The following EFCC1 variants were observed in gnomAD, a reference collection of about 807,000 sequenced individuals.
The protein encoded by EFCC1 is EF-hand and coiled-coil domain-containing protein 1.
In EFCC1, 50 loss-of-function variants were observed where a neutral mutation model predicts 52.1. That is an observed-to-expected ratio of 0.96 (90% CI 0.76 to 1.21). EFCC1 has a LOEUF of 1.21. Among genes scored for constraint, EFCC1 ranks in the 50% most tolerant of loss-of-function variants. EFCC1 has a pLI of 0.00. For synonymous variants in EFCC1, 399 were observed against 396.5 expected (o/e 1.01, Z -0.08); for missense variants, 837 against 867.3 (o/e 0.97, Z 0.44).
chr3:129,019,569 G>GA (rs1018611955), intron 2 of EFCC1, among the ~76,000 whole-genome samples: 1 of 152,044 alleles, frequency 6.6e-6, no homozygotes, highest in Non-Finnish European at 1.5e-5. Context: ...ACAGTTCTGG[G>GA]AAAAATGACT....
chr3:129,018,380 T>G (rs1945681698), intron 2 of EFCC1, among the ~76,000 whole-genome samples: 1 of 152,152 alleles, frequency 6.6e-6, no homozygotes, highest in Non-Finnish European at 1.5e-5. Context: ...AGGAAAAAAC[T>G]AAAAAAGGGA....
rs922622616 is a variant in EFCC1 at position 129,014,267 on chromosome 3, G to A, written c.980+10190G>A. ...ACCACCAGTAACTAAGCGGGTGGAC[G>A]AGGGGAGGGTCAGGGAGTGTGAGTC... On this transcript the variant is annotated intron_variant, in intron 2 of 7. Transcript: ENST00000683648. The surrounding 1 kb of genome is among the most constrained non-coding windows in gnomAD (Gnocchi z 4.3). Among the ~76,000 whole-genome samples the A allele has an allele frequency of 6.6e-6, 1 of 152,244 alleles. No homozygotes were observed. Among genetic ancestry groups the A allele is most frequent in the Non-Finnish European group, 1.5e-5 (1 of 68,054 alleles).
chr3:129,002,483 CCT>C, intron 1 of EFCC1, 159 bp downstream of exon 1: 10 of 1,328,464 alleles, frequency 7.5e-6, no homozygotes, highest in Non-Finnish European at 9.7e-6. Flanking sequence ...GCATCTTGCC[CCT>C]GTTCCTCCCC....
chr3:129,024,507 G>A (rs1033974069), intron 2 of EFCC1, among the ~76,000 whole-genome samples: 5 of 151,484 alleles, frequency 3.3e-5, no homozygotes, highest in Admixed American at 1.3e-4. Flanking sequence ...CTCCAGCCTG[G>A]GTGACAGAGC....
At chr3:129,038,242 T>C (rs1946381744) in intron 6 of EFCC1, among the ~76,000 whole-genome samples, 1 of 152,156 alleles carries the variant, frequency 6.6e-6, no homozygotes, top group African/African-American at 2.4e-5. Flanking sequence ...GCCCTGTGCA[T>C]TGGGCTGCCT....
At chr3:129,011,997 TC>T (rs998125082) in intron 2 of EFCC1, among the ~76,000 whole-genome samples, 5 of 152,198 alleles carry the variant, frequency 3.3e-5, no homozygotes, top group Admixed American at 3.3e-4. Context: ...AGTCTGTAGC[TC>T]TTTCTGCTAC....
At chr3:129,004,368 AC>A (rs1428229958) in intron 2 of EFCC1, among the ~76,000 whole-genome samples, 60 of 44,596 alleles carry the variant, frequency 1.3e-3, no homozygotes, top group East Asian at 2.3e-3. Flanking sequence ...CCATTCACTC[AC>A]CCCCCCCACC....
At chr3:129,007,693 G>A (rs1390502957) in intron 2 of EFCC1, among the ~76,000 whole-genome samples, 1 of 152,194 alleles carries the variant, frequency 6.6e-6, no homozygotes, top group Non-Finnish European at 1.5e-5. Context: ...CCCAAACTCA[G>A]CTGAATTTAG....
At chr3:129,002,391 C>A in intron 1 of EFCC1, 67 bp downstream of exon 1, 1 of 1,470,322 alleles carries the variant, frequency 6.8e-7, no homozygotes, top group South Asian at 1.3e-5. Flanking sequence ...AGCTGGCTGG[C>A]TGCGGAGCCC....
In EFCC1 at chr3:129,034,315, A is replaced by AGT. The variant is rs773007061; in HGVS notation, c.1438_1439insGT (p.Thr480SerfsTer19). The AGT allele has an allele frequency of 1.9e-6, 3 of 1,613,784 alleles. No individual in the cohort carries two copies. The highest frequency in any genetic ancestry group is 2.5e-6 in the Non-Finnish European group (3 of 1,179,902). ...GGGCTGCGGTGGGAGGACCCTGGGG[A>AGT]CCTCTGAGGAGGAGGTCAGCAGAGC... is the stretch of plus-strand genomic sequence containing the variant. On this transcript the variant is annotated frameshift_variant, in exon 5 of 8. Coordinates refer to ENST00000683648, the MANE Select transcript of EFCC1 (RefSeq NM_001377500.1). LOFTEE classifies it high-confidence loss of function.
intron 2 of EFCC1, among the ~76,000 whole-genome samples, chr3:129,006,107 G>A (rs578227133): frequency 1.3e-5 from 2 of 152,330 alleles, no homozygotes; most frequent in South Asian, 4.1e-4. Flanking sequence ...GAGAAATGAG[G>A]CACTGAGAAG....
chr3:129,001,809 G>A lies in EFCC1; in HGVS notation c.181G>A (p.Glu61Lys), dbSNP rs1944773502. ...CACCGGCCTGGACCAGTACCTGCAG[G>A]AGGTCTTCCACCACCTGGACTGCCG... is the stretch of plus-strand genomic sequence containing the variant. ...LATGLDQYLQ[E>K]VFHHLDCRGA... is the part of the protein sequence containing the mutation. The change falls in exon 1 of 8, where the codon GAG becomes AAG. Residue 61 changes from glutamate to lysine, a missense_variant. By Grantham distance (56) the Glu-to-Lys change is moderately conservative. Transcript: ENST00000683648. 1 of 1,545,520 alleles carries A rather than the reference G, an allele frequency of 6.5e-7. No individual in the cohort carries two copies. The highest frequency in any genetic ancestry group is 1.7e-4 in the Middle Eastern group (1 of 5,970).
chr3:129,034,434 G>A, intron 5 of EFCC1, 105 bp downstream of exon 5: 2 of 1,301,002 alleles, frequency 1.5e-6, no homozygotes, highest in South Asian at 2.9e-5. Flanking sequence ...TCCCAGATGA[G>A]TAAACCAAGG....
At position 129,010,760 on chromosome 3, in the gene EFCC1, G is replaced by C. The variant is rs1945289939; in HGVS notation, c.980+6683G>C. ...GGCCTCGGATTCCATCGTCCTTGGAGGTGGGTGTGTGGGTGGCCTTGGTGA... is the reference window on the plus strand; with the variant it reads ...GGCCTCGGATTCCATCGTCCTTGGACGTGGGTGTGTGGGTGGCCTTGGTGA... On this transcript the variant is annotated intron_variant, in intron 2 of 7. Coordinates refer to ENST00000683648, the MANE Select transcript of EFCC1 (RefSeq NM_001377500.1). This position sits in a 1 kb window ranked among gnomAD's most constrained non-coding sequence, Gnocchi z 4.3. Among the ~76,000 whole-genome samples, 1 of 152,218 alleles carries C rather than the reference G, an allele frequency of 6.6e-6. No individual in the cohort carries two copies. The highest frequency in any genetic ancestry group is 1.9e-4 in the East Asian group (1 of 5,198).
chr3:129,007,730 T>G (rs1945136465), intron 2 of EFCC1, among the ~76,000 whole-genome samples: 1 of 152,190 alleles, frequency 6.6e-6, no homozygotes, highest in African/African-American at 2.4e-5. Context: ...TAACTTTGAG[T>G]CAAACTGTGC....
intron 7 of EFCC1, 107 bp downstream of exon 7, chr3:129,039,007 A>G: frequency 2.0e-6 from 2 of 999,426 alleles, no homozygotes; most frequent in South Asian, 2.6e-5. Flanking sequence ...CAAAACAATC[A>G]TGTTATTCCT....
intron 2 of EFCC1, among the ~76,000 whole-genome samples, chr3:129,017,407 C>T (rs546078944): frequency 2.3e-4 from 35 of 152,340 alleles, no homozygotes; most frequent in Non-Finnish European, 4.3e-4. Flanking sequence ...TTCCGTAGGC[C>T]GGAAGTCCAG....
At chr3:129,006,715 G>C (rs1234623804) in intron 2 of EFCC1, among the ~76,000 whole-genome samples, 1 of 152,170 alleles carries the variant, frequency 6.6e-6, no homozygotes, top group East Asian at 1.9e-4. Context: ...CAGAGAATGA[G>C]TGATGCTATG....
At chr3:129,012,406 T>A (rs560562175) in intron 2 of EFCC1, among the ~76,000 whole-genome samples, 1 of 152,220 alleles carries the variant, frequency 6.6e-6, no homozygotes, top group African/African-American at 2.4e-5. Context: ...TCCAGCACTC[T>A]CCATCCACCT....
Sources: gnomAD v4.1 joint callset for allele counts (sites outside exome capture counted in the v4.1 genomes callset) on GRCh38, gnomAD v4.1.1 for gene constraint, Gnocchi (gnomAD v3.1) non-coding constraint, MANE v1.5 for transcripts, NCBI Gene and HGNC (gene_info 2026-07-23, HGNC 2026-07-21) for gene names.